The following TNFRSF21 variants were observed in gnomAD, a reference collection of about 807,000 sequenced individuals.
TNFRSF21 encodes tumor necrosis factor receptor superfamily member 21.
TNFRSF21 carries 19 observed loss-of-function variants against 45.6 expected under a neutral mutation model. That is an observed-to-expected ratio of 0.42 (90% confidence interval 0.29 to 0.61). TNFRSF21 has a LOEUF of 0.61. Among genes scored for constraint, TNFRSF21 ranks in the 20% least tolerant of loss-of-function variants. TNFRSF21 has a pLI of 0.23. For missense variants in TNFRSF21, 737 were observed against 851.5 expected (o/e 0.87, Z 1.67); for synonymous variants, 314 against 335.5 (o/e 0.94, Z 0.70).
intron 3 of TNFRSF21, among the ~76,000 whole-genome samples, chr6:47,281,587 G>C (rs1036034544): frequency 6.6e-6 from 1 of 152,080 alleles, no homozygotes; most frequent in Non-Finnish European, 1.5e-5. Context: ...CGCCATGTTG[G>C]CCAGGCGGGT....
At chr6:47,308,792 T>C (rs932344480) in intron 1 of TNFRSF21, among the ~76,000 whole-genome samples, 1 of 152,134 alleles carries the variant, frequency 6.6e-6, no homozygotes, top group African/African-American at 2.4e-5. Flanking sequence ...TATTTCGGCA[T>C]ACAGAACCTG....
chr6:47,291,070 T>C (rs149645141), intron 1 of TNFRSF21, among the ~76,000 whole-genome samples: 1 of 152,320 alleles, frequency 6.6e-6, no homozygotes, highest in African/African-American at 2.4e-5. Flanking sequence ...AGAAACATTT[T>C]GTCACCACTC....
intron 3 of TNFRSF21, among the ~76,000 whole-genome samples, chr6:47,264,025 G>T (rs1762290587): frequency 6.6e-6 from 1 of 152,168 alleles, no homozygotes; most frequent in Non-Finnish European, 1.5e-5. Context: ...AAGAACATCA[G>T]CAGAATTCCA....
intron 1 of TNFRSF21, among the ~76,000 whole-genome samples, chr6:47,290,012 C>G (rs750369883): frequency 8.6e-5 from 13 of 151,950 alleles, no homozygotes; most frequent in Non-Finnish European, 1.8e-4. Flanking sequence ...GAAAAAGAAA[C>G]AAAAGAGTAT....
intron 3 of TNFRSF21, among the ~76,000 whole-genome samples, chr6:47,259,660 C>T (rs1261301737): frequency 1.3e-5 from 2 of 152,168 alleles, no homozygotes; most frequent in Non-Finnish European, 2.9e-5. Context: ...CGGGTGTGAG[C>T]CACTGTGCCC....
chr6:47,255,839 AT>A (rs1291560133), intron 3 of TNFRSF21, among the ~76,000 whole-genome samples: 3 of 152,112 alleles, frequency 2.0e-5, no homozygotes, highest in Admixed American at 6.5e-5. Context: ...ATCTTAAAAA[AT>A]ATTTACTACT....
At chr6:47,234,159 T>C (rs542078498) in intron 5 of TNFRSF21, among the ~76,000 whole-genome samples, 2 of 152,154 alleles carry the variant, frequency 1.3e-5, no homozygotes, top group South Asian at 2.1e-4. Context: ...TTTTTTTTAG[T>C]AGAGATGGGG....
chr6:47,251,434 A>T (rs961327630), intron 4 of TNFRSF21, among the ~76,000 whole-genome samples: 12 of 152,232 alleles, frequency 7.9e-5, no homozygotes, highest in African/African-American at 2.9e-4. Context: ...ATTAAGGTGT[A>T]CAAGAGTTTG....
chr6:47,245,189 A>G (rs1764805750), intron 4 of TNFRSF21, among the ~76,000 whole-genome samples: 1 of 152,090 alleles, frequency 6.6e-6, no homozygotes, highest in Non-Finnish European at 1.5e-5. Flanking sequence ...ATTAAAGCCC[A>G]CTTCCATCCC....
intron 1 of TNFRSF21, among the ~76,000 whole-genome samples, chr6:47,304,837 T>G (rs1455198268): frequency 1.3e-5 from 2 of 152,164 alleles, no homozygotes; most frequent in Admixed American, 6.5e-5. Context: ...TTGGGGAAGA[T>G]TCAAACATAT....
intron 3 of TNFRSF21, among the ~76,000 whole-genome samples, chr6:47,283,085 T>C (rs981156619): frequency 2.6e-5 from 4 of 152,210 alleles, no homozygotes; most frequent in African/African-American, 4.8e-5. Context: ...CCCCTTTCTC[T>C]TTGAGGGGAG....
chr6:47,269,439 A>C (rs923601741), intron 3 of TNFRSF21, among the ~76,000 whole-genome samples: 1 of 152,260 alleles, frequency 6.6e-6, no homozygotes, highest in Non-Finnish European at 1.5e-5. Context: ...CTGAATAACA[A>C]GTCTTTGTAA....
In TNFRSF21 at chr6:47,232,673, A is replaced by G; in HGVS notation, c.*92T>C. 8.8e-7 allele frequency: 1 copy of G among 1,133,076 alleles called. No homozygotes were observed. The highest frequency in any genetic ancestry group is 1.5e-5 in the African/African-American group (1 of 64,932). 70.2% of individuals were successfully genotyped at this position (1,133,076 alleles called of 1,614,324 possible). On this transcript the variant is annotated 3_prime_UTR_variant, in exon 6 of 6. Transcript: ENST00000296861. ...CACACACACACAAACACACACACAC[A>G]CCCCAAACAACAAAAATCAGAAACA...
intron 3 of TNFRSF21, among the ~76,000 whole-genome samples, chr6:47,275,803 G>T (rs1406391121): frequency 6.6e-6 from 1 of 152,152 alleles, no homozygotes; most frequent in Non-Finnish European, 1.5e-5. Context: ...CTGGGGGAAA[G>T]CTCTTTCATG....
chr6:47,237,658 G>A (rs376369669), intron 4 of TNFRSF21, among the ~76,000 whole-genome samples: 1 of 152,096 alleles, frequency 6.6e-6, no homozygotes, highest in Admixed American at 6.5e-5. Flanking sequence ...ATTTCCTAAG[G>A]TTCTTTGAGT....
At chr6:47,282,316 T>TG (rs201833424) in intron 3 of TNFRSF21, among the ~76,000 whole-genome samples, 4,143 of 145,880 alleles carry the variant, frequency 0.028, 206 homozygotes, top group African/African-American at 0.1. Context: ...ACCTGGGAGG[T>TG]GAAGTTGTGG....
chr6:47,234,610 A>T, intron 5 of TNFRSF21, 60 bp downstream of exon 5: 1 of 1,382,508 alleles, frequency 7.2e-7, no homozygotes, highest in South Asian at 1.2e-5. Context: ...GGAGGGACGA[A>T]TCCCAGGGGC....
intron 3 of TNFRSF21, among the ~76,000 whole-genome samples, chr6:47,270,741 C>T (rs1762403170): frequency 6.6e-6 from 1 of 152,064 alleles, no homozygotes. Context: ...ATGTTTGAAC[C>T]TATCGCAAGG....
intron 3 of TNFRSF21, among the ~76,000 whole-genome samples, chr6:47,257,298 T>C (rs1765002722): frequency 6.6e-6 from 1 of 152,168 alleles, no homozygotes. Flanking sequence ...AAGCTAAATT[T>C]AAGGCCTACA....
Sources: gnomAD v4.1 joint callset for allele counts (sites outside exome capture counted in the v4.1 genomes callset) on GRCh38, gnomAD v4.1.1 for gene constraint, MANE v1.5 for transcripts, NCBI Gene and HGNC (gene_info 2026-07-23, HGNC 2026-07-21) for gene names.